Variants in RALGAPA2 observed in about 807,000 individuals in gnomAD.
The protein encoded by RALGAPA2 is Ral GTPase activating protein catalytic subunit alpha 2.
A neutral mutation model predicts 230.4 loss-of-function variants in RALGAPA2; 139 were observed. That is an observed-to-expected ratio of 0.60 (90% CI 0.53 to 0.69). RALGAPA2 has a LOEUF of 0.69. Among genes scored for constraint, RALGAPA2 ranks in the 30% least tolerant of loss-of-function variants. RALGAPA2 has a pLI of 0.00. For synonymous variants in RALGAPA2, 847 were observed against 837.8 expected (o/e 1.01, Z -0.19); for missense variants, 2,163 against 2,276.0 (o/e 0.95, Z 1.01).
chr20:20,500,592 C>T (rs907540368), intron 35 of RALGAPA2, among the ~76,000 whole-genome samples: 1 of 152,206 alleles, frequency 6.6e-6, no homozygotes, highest in Non-Finnish European at 1.5e-5. Flanking sequence ...CAGTGACTTC[C>T]TTCACTGAAG....
intron 18 of RALGAPA2, among the ~76,000 whole-genome samples, chr20:20,586,672 C>A (rs539228892): frequency 6.6e-6 from 1 of 152,108 alleles, no homozygotes; most frequent in East Asian, 1.9e-4. Flanking sequence ...AAAGTATAAA[C>A]GTGAACTGTC....
chr20:20,648,248 C>T (rs531510088), intron 4 of RALGAPA2, among the ~76,000 whole-genome samples: 3 of 152,152 alleles, frequency 2.0e-5, no homozygotes, highest in South Asian at 4.2e-4. Context: ...AAGAAGAGTA[C>T]ATACTTCATG....
At chr20:20,609,088 C>T (rs753213092) in intron 14 of RALGAPA2, among the ~76,000 whole-genome samples, 2 of 152,126 alleles carry the variant, frequency 1.3e-5, no homozygotes, top group Non-Finnish European at 2.9e-5. Flanking sequence ...CTCAACCTCC[C>T]GGGTTCAAGC....
intron 37 of RALGAPA2, among the ~76,000 whole-genome samples, chr20:20,447,881 C>G (rs546284922): frequency 5.9e-5 from 9 of 152,244 alleles, no homozygotes; most frequent in African/African-American, 1.9e-4. Context: ...TGTGCCAGGT[C>G]CCTGATGCAT....
chr20:20,653,817 C>A (rs746547832), intron 3 of RALGAPA2, among the ~76,000 whole-genome samples: 5 of 152,048 alleles, frequency 3.3e-5, no homozygotes, highest in African/African-American at 4.8e-5. Flanking sequence ...AAGTTTAATT[C>A]CCTCCAAAAG....
chr20:20,676,072 T>C (rs2068312117), intron 3 of RALGAPA2, among the ~76,000 whole-genome samples, 164 bp downstream of exon 3: 1 of 152,108 alleles, frequency 6.6e-6, no homozygotes, highest in Non-Finnish European at 1.5e-5. Context: ...GAAAATTATT[T>C]GTAGCACAGT....
intron 38 of RALGAPA2, among the ~76,000 whole-genome samples, chr20:20,400,077 A>G (rs1245887359): frequency 2.0e-5 from 3 of 152,184 alleles, no homozygotes; most frequent in Non-Finnish European, 4.4e-5. Flanking sequence ...AGAGTGGGAG[A>G]TCAGAGAGCT....
At chr20:20,692,400 T>C (rs188091342) in intron 1 of RALGAPA2, among the ~76,000 whole-genome samples, 1 of 152,328 alleles carries the variant, frequency 6.6e-6, no homozygotes, top group East Asian at 1.9e-4. Flanking sequence ...GAGCAGACAC[T>C]GTTGCTTTCT....
intron 37 of RALGAPA2, among the ~76,000 whole-genome samples, chr20:20,461,530 T>C (rs556828516): frequency 6.6e-6 from 1 of 152,296 alleles, no homozygotes; most frequent in South Asian, 2.1e-4. Context: ...CAGAGCATGA[T>C]AGTAAGCAGC....
At chr20:20,626,507 A>T (rs1370678640) in intron 10 of RALGAPA2, among the ~76,000 whole-genome samples, 1 of 152,230 alleles carries the variant, frequency 6.6e-6, no homozygotes, top group Admixed American at 6.5e-5. Context: ...TTGAATTTAG[A>T]TTGGGTTTAA....
intron 14 of RALGAPA2, among the ~76,000 whole-genome samples, chr20:20,610,612 G>A (rs938860672): frequency 5.9e-5 from 9 of 151,868 alleles, no homozygotes; most frequent in African/African-American, 1.9e-4. Flanking sequence ...CTTAAACCTC[G>A]CCCACCATGT....
chr20:20,540,770 ATAAT>A (rs1459179354), intron 24 of RALGAPA2, among the ~76,000 whole-genome samples: 2 of 151,972 alleles, frequency 1.3e-5, no homozygotes, highest in South Asian at 2.1e-4. Flanking sequence ...TTACTAAAGT[ATAAT>A]TAATAAAAAT....
At chr20:20,445,904 GC>G (rs1400044326) in intron 37 of RALGAPA2, among the ~76,000 whole-genome samples, 2 of 152,092 alleles carry the variant, frequency 1.3e-5, no homozygotes, top group African/African-American at 4.8e-5. Context: ...CAGAGCCAAA[GC>G]TAATGCATTC....
intron 23 of RALGAPA2, among the ~76,000 whole-genome samples, chr20:20,555,061 T>C (rs1371290162): frequency 6.6e-6 from 1 of 152,192 alleles, no homozygotes; most frequent in East Asian, 1.9e-4. Context: ...TTAGCTCTCA[T>C]ATTTAGGACA....
rs1470144965 is a variant in RALGAPA2 at position 20,573,007 on chromosome 20, CCAACCAGTGA to C, written c.2759_2768del (p.Leu920ArgfsTer20). 6.2e-7 allele frequency: 1 copy of C among 1,610,396 alleles called. No individual in the cohort carries two copies. The highest frequency in any genetic ancestry group is 8.5e-7 in the Non-Finnish European group (1 of 1,178,508). ...ATAACACAGCAGCAGAGTCTGGGTG[CCAACCAGTGA>C]GGCTCCCCCCGGCGATTATACTACA... On this transcript the variant is annotated frameshift_variant, in exon 21 of 40. Coordinates refer to ENST00000202677, the MANE Select transcript of RALGAPA2 (RefSeq NM_020343.4). LOFTEE classifies it high-confidence loss of function.
At chr20:20,680,938 C>T (rs62202187) in intron 1 of RALGAPA2, 137 bp from the exon 2 acceptor site, 39 of 1,386,172 alleles carry the variant, frequency 2.8e-5, no homozygotes, top group Non-Finnish European at 3.4e-5. Context: ...AACAGTATTC[C>T]TGTTTGTTTA....
intron 23 of RALGAPA2, 77 bp from the exon 24 acceptor site, chr20:20,546,909 T>C (rs1445927076): frequency 7.2e-7 from 1 of 1,392,858 alleles, no homozygotes; most frequent in Non-Finnish European, 9.6e-7. Flanking sequence ...TAGTGGTACA[T>C]ATGACCACTG....
At position 20,700,007 on chromosome 20, in the gene RALGAPA2, C is replaced by T. The variant is rs551433740; in HGVS notation, c.106+12368G>A. On this transcript the variant is annotated intron_variant, in intron 1 of 39. Transcript: ENST00000202677. Reference sequence around the variant, plus strand: ...TTCTACCAAAAAAAACACATGCACTCATATGTTCATTGCCATGCGATTCAC... The same window carrying T: ...TTCTACCAAAAAAAACACATGCACTTATATGTTCATTGCCATGCGATTCAC... Among the ~76,000 whole-genome samples, 4 of 152,222 alleles carry T rather than the reference C, an allele frequency of 2.6e-5. No individual in the cohort carries two copies. In the South Asian group the frequency reaches 8.3e-4, roughly 32 times the overall value.
At chr20:20,613,848 G>A (rs962875580) in intron 13 of RALGAPA2, among the ~76,000 whole-genome samples, 10 of 152,054 alleles carry the variant, frequency 6.6e-5, no homozygotes, top group Admixed American at 3.3e-4. Flanking sequence ...AAAACTCCCC[G>A]TCTGTCCATG....
Sources: gnomAD v4.1 joint callset for allele counts (sites outside exome capture counted in the v4.1 genomes callset) on GRCh38, gnomAD v4.1.1 for gene constraint, MANE v1.5 for transcripts, NCBI Gene and HGNC (gene_info 2026-07-23, HGNC 2026-07-21) for gene names.